MAST4: variants seen among roughly 807,000 people sequenced by gnomAD.
The protein encoded by MAST4 is microtubule-associated serine/threonine-protein kinase 4.
In MAST4, 89 loss-of-function variants were observed where a neutral mutation model predicts 162.7. The ratio of observed to expected loss-of-function variants is 0.55; its 90% CI spans 0.46 to 0.65. The LOEUF (loss-of-function observed/expected upper bound fraction) is 0.65. Among genes scored for constraint, MAST4 ranks in the 30% least tolerant of loss-of-function variants. The pLI is 0.00. For synonymous variants in MAST4, 1,479 were observed against 1,361.1 expected (o/e 1.09, Z -1.91); for missense variants, 3,153 against 3,374.0 (o/e 0.93, Z 1.62).
intron 4 of MAST4, among the ~76,000 whole-genome samples, chr5:66,990,989 A>G (rs182135313): frequency 1.6e-3 from 246 of 152,354 alleles, no homozygotes; most frequent in Non-Finnish European, 3.0e-3. Flanking sequence ...CTCAAAAATA[A>G]TGACTCTGAA....
Position 67,166,698 on chromosome 5 carries a change from C to T in MAST4, c.7519C>T (p.Pro2507Ser). The T allele has an allele frequency of 6.3e-7, 1 of 1,591,078 alleles. No homozygotes were observed. Among genetic ancestry groups the T allele is most frequent in the Non-Finnish European group, 8.6e-7 (1 of 1,169,054 alleles). ...PSNRDHRKAQ[P>S]AGEGRTHMTK... ...CAACAGGGACCATAGGAAGGCTCAG[C>T]CTGCCGGGGAGGGCCGAACCCACAT... is the stretch of plus-strand genomic sequence containing the variant. The change falls in exon 29 of 29, where the codon CCT becomes TCT. Residue 2507 changes from proline to serine, a missense_variant. By Grantham distance (74) the Pro-to-Ser change is moderately conservative. Around this residue, in one of 7 missense-constraint regions of MAST4, gnomAD observed 1,644 missense variants for 1,495.0 expected, o/e 1.10. Transcript: ENST00000403625.
chr5:66,628,068 C>G (rs2149417296), intron 1 of MAST4, among the ~76,000 whole-genome samples: 1 of 152,190 alleles, frequency 6.6e-6, no homozygotes, highest in South Asian at 2.1e-4. Context: ...GTTTTGCTCT[C>G]TCGCCCAGAC....
chr5:66,733,672 T>C (rs945812952), intron 1 of MAST4, among the ~76,000 whole-genome samples: 6 of 152,186 alleles, frequency 3.9e-5, no homozygotes, highest in Admixed American at 2.6e-4. Flanking sequence ...TTGGGCAGGC[T>C]GGTCTCAAAC....
chr5:66,780,191 CTT>C (rs1270620377), intron 2 of MAST4, among the ~76,000 whole-genome samples: 12 of 152,150 alleles, frequency 7.9e-5, no homozygotes, highest in Non-Finnish European at 1.8e-4. Flanking sequence ...CAAACTGAAA[CTT>C]TGTACCCATT....
At chr5:66,994,585 C>G (rs1750419404) in intron 4 of MAST4, among the ~76,000 whole-genome samples, 1 of 152,142 alleles carries the variant, frequency 6.6e-6, no homozygotes, top group African/African-American at 2.4e-5. Context: ...TCACCAGGAA[C>G]TTTAATATGG....
chr5:66,971,352 G>C (rs1747412686), intron 4 of MAST4, among the ~76,000 whole-genome samples: 1 of 152,174 alleles, frequency 6.6e-6, no homozygotes, highest in Admixed American at 6.5e-5. Context: ...TCCAGTCTGA[G>C]CAGCCTGTGC....
At chr5:66,680,415 C>A (rs1187193185) in intron 1 of MAST4, among the ~76,000 whole-genome samples, 1 of 152,188 alleles carries the variant, frequency 6.6e-6, no homozygotes, top group Non-Finnish European at 1.5e-5. Context: ...TACTTCCTAA[C>A]CTCATTGACA....
Position 67,110,082 on chromosome 5 carries a change from T to C in MAST4, c.1357-16T>C. ...AACAACTCTGCATCATCACTCTCTT[T>C]ATTGCTTTTTCATAGGCTCATGATC... On this transcript the variant is annotated splice_polypyrimidine_tract_variant and intron_variant, in intron 10 of 28. Coordinates refer to ENST00000403625, the MANE Select transcript of MAST4 (RefSeq NM_001164664.2). The C allele has an allele frequency of 6.3e-7, 1 of 1,587,668 alleles. No individual in the cohort carries two copies. The highest frequency in any genetic ancestry group is 8.7e-7 in the Non-Finnish European group (1 of 1,155,910).
intron 1 of MAST4, among the ~76,000 whole-genome samples, chr5:66,687,632 GTGTTTATC>G (rs1259218544): frequency 8.8e-6 from 1 of 114,236 alleles, no homozygotes; most frequent in East Asian, 2.9e-4. Flanking sequence ...AGATGTGTGT[GTGTTTATC>G]TATCTATCTA....
At chr5:66,804,811 A>T (rs1756104271) in intron 3 of MAST4, among the ~76,000 whole-genome samples, 1 of 152,060 alleles carries the variant, frequency 6.6e-6, no homozygotes, top group South Asian at 2.1e-4. Flanking sequence ...TGGTTATAGG[A>T]CTATTCTGAT....
chr5:67,054,333 A>G, intron 4 of MAST4, 71 bp from the exon 5 acceptor site: 1 of 1,284,838 alleles, frequency 7.8e-7, no homozygotes, highest in Non-Finnish European at 1.1e-6. Flanking sequence ...GTCCATGTCT[A>G]CCGGGAACAT....
chr5:66,788,607 C>CCAAAAAAAAAAAAAAAA, intron 2 of MAST4, 63 bp from the exon 3 acceptor site: 3 of 1,373,714 alleles, frequency 2.2e-6, no homozygotes, highest in Non-Finnish European at 3.0e-6. Context: ...CCCCCACCCC[C>CCAAAAAAAAAAAAAAAA]ATTGCAATAA....
At chr5:67,139,926 G>C (rs751524597) in intron 19 of MAST4, among the ~76,000 whole-genome samples, 65 of 152,302 alleles carry the variant, frequency 4.3e-4, no homozygotes, top group Middle Eastern at 3.4e-3. Flanking sequence ...AATCAGCTAT[G>C]GGCTGTAAAT....
At position 67,164,112 on chromosome 5, in the gene MAST4, CTCCA is replaced by C. The variant is rs1773573314; in HGVS notation, c.4934_4937del (p.Leu1645ArgfsTer34). ...CAGACGGGCCCCCGCTCCTGGCACC[CTCCA>C]GGATGGTCTCTGCCACTCCCTCGAC... is the stretch of plus-strand genomic sequence containing the variant. On this transcript the variant is annotated frameshift_variant, in exon 29 of 29. Coordinates refer to ENST00000403625, the MANE Select transcript of MAST4 (RefSeq NM_001164664.2). LOFTEE classifies it low-confidence loss of function (END_TRUNC). The surrounding 1 kb of genome is among the most constrained non-coding windows in gnomAD (Gnocchi z 5.3). The C allele has an allele frequency of 6.3e-7, 1 of 1,591,982 alleles. No individual in the cohort carries two copies. Among genetic ancestry groups the C allele is most frequent in the Non-Finnish European group, 8.6e-7 (1 of 1,168,778 alleles).
At chr5:67,024,865 G>T (rs1754448601) in intron 4 of MAST4, among the ~76,000 whole-genome samples, 1 of 151,724 alleles carries the variant, frequency 6.6e-6, no homozygotes. Context: ...AGGTCATCTG[G>T]AATGAAACAG....
intron 1 of MAST4, among the ~76,000 whole-genome samples, chr5:66,703,933 C>G (rs1296632550): frequency 6.6e-6 from 1 of 152,196 alleles, no homozygotes; most frequent in African/African-American, 2.4e-5. Flanking sequence ...CAACAAACAA[C>G]ATTACCTTGT....
intron 1 of MAST4, among the ~76,000 whole-genome samples, chr5:66,713,720 A>G (rs1312494831): frequency 1.3e-5 from 2 of 152,130 alleles, no homozygotes; most frequent in East Asian, 1.9e-4. Context: ...TTATTAGTAT[A>G]TTAGTTGTCA....
At chr5:67,033,079 A>G (rs1344128751) in intron 4 of MAST4, among the ~76,000 whole-genome samples, 1 of 152,064 alleles carries the variant, frequency 6.6e-6, no homozygotes, top group Non-Finnish European at 1.5e-5. Flanking sequence ...CTTAAAATAA[A>G]TAGAAACTAG....
chr5:66,901,299 G>A (rs946941947), intron 4 of MAST4, among the ~76,000 whole-genome samples: 87 of 151,816 alleles, frequency 5.7e-4, no homozygotes, highest in African/African-American at 2.0e-3. Flanking sequence ...ATTGCACATG[G>A]GTTTTGTTTT....
Sources: gnomAD v4.1 joint callset for allele counts (sites outside exome capture counted in the v4.1 genomes callset) on GRCh38, gnomAD v4.1.1 for gene constraint, gnomAD v4.1.1 regional missense constraint, Gnocchi (gnomAD v3.1) non-coding constraint, MANE v1.5 for transcripts, NCBI Gene and HGNC (gene_info 2026-07-23, HGNC 2026-07-21) for gene names.